The following SVEP1 variants were observed in gnomAD, a reference collection of about 807,000 sequenced individuals.
The protein encoded by SVEP1 is sushi, von Willebrand factor type A, EGF and pentraxin domain-containing protein 1.
SVEP1 carries 164 observed loss-of-function variants against 367.3 expected under a neutral mutation model. That is an observed-to-expected ratio of 0.45 (90% CI 0.39 to 0.51). The LOEUF (loss-of-function observed/expected upper bound fraction) is 0.51, where lower values mean the gene tolerates loss of function less well. Ranked by LOEUF, SVEP1 falls within the 20% of genes least tolerant of loss-of-function variation. The probability of loss-of-function intolerance (pLI) is 0.00; values close to 1 mark genes in which losing one functional copy is unlikely to be tolerated. For synonymous variants in SVEP1, 1,666 were observed against 1,611.6 expected (o/e 1.03, Z -0.81); for missense variants, 4,117 against 4,425.3 (o/e 0.93, Z 1.98).
chr9:110,400,962 T>C lies in SVEP1; in HGVS notation c.9714A>G (p.Pro3238=). ...EPPFSDESCS[P]VSCGKPESPE... is the part of the protein sequence containing the mutation. ...GACTTTCAGGTTTCCCACAAGAAAC[T>C]GGACTGCAAGATTCATCGGAGAATG... The change falls in exon 40 of 48, where the codon CCA becomes CCG. Residue 3238 remains proline, a synonymous_variant. Transcript: ENST00000374469. 2 of 1,613,942 alleles carry C rather than the reference T, an allele frequency of 1.2e-6. No homozygotes were observed. The highest frequency in any genetic ancestry group is 1.7e-6 in the Non-Finnish European group (2 of 1,179,862).
Position 110,546,097 on chromosome 9 carries a change from C to A in SVEP1, c.964+18G>T, listed in dbSNP as rs752701414. 1.3e-5 allele frequency: 20 copies of A among 1,551,540 alleles called. No homozygotes were observed. The highest frequency in any genetic ancestry group is 1.7e-5 in the Non-Finnish European group (20 of 1,146,716). On this transcript the variant is annotated intron_variant, in intron 3 of 47. Coordinates refer to ENST00000374469, the MANE Select transcript of SVEP1 (RefSeq NM_153366.4). ...TACACAGCAACAGACAACTGATATACACAGATTGGAGACTCACCTGTGCAT... is the reference window on the plus strand; with the variant it reads ...TACACAGCAACAGACAACTGATATAAACAGATTGGAGACTCACCTGTGCAT...
At chr9:110,544,592 A>G (rs1830194112) in intron 3 of SVEP1, among the ~76,000 whole-genome samples, 2 of 151,048 alleles carry the variant, frequency 1.3e-5, no homozygotes, top group South Asian at 4.2e-4. Flanking sequence ...TAGAGACGGA[A>G]AAATTACAAA....
chr9:110,422,609 C>T (rs1828176565), intron 36 of SVEP1, among the ~76,000 whole-genome samples: 1 of 84,768 alleles, frequency 1.2e-5, no homozygotes, highest in Non-Finnish European at 2.4e-5. Context: ...ACCCAGCCAT[C>T]CCATTACTGG....
At chr9:110,420,252 C>T (rs1372342106) in intron 36 of SVEP1, among the ~76,000 whole-genome samples, 1 of 18,784 alleles carries the variant, frequency 5.3e-5, no homozygotes, top group African/African-American at 4.4e-4. Context: ...AGAGAAGAAT[C>T]AAATAGACAC....
intron 43 of SVEP1, among the ~76,000 whole-genome samples, chr9:110,385,194 T>A (rs773602131): frequency 2.6e-4 from 39 of 152,268 alleles, no homozygotes; most frequent in Admixed American, 5.9e-4. Flanking sequence ...TTGGCTGGGC[T>A]GGTCTTGAAC....
At chr9:110,466,656 G>A (rs1478087477) in intron 17 of SVEP1, among the ~76,000 whole-genome samples, 1 of 139,180 alleles carries the variant, frequency 7.2e-6, no homozygotes, top group Non-Finnish European at 1.6e-5. Context: ...AGCTACTTGG[G>A]AGGCTGAGGC....
At chr9:110,488,491 GA>G (rs200455887) in intron 9 of SVEP1, among the ~76,000 whole-genome samples, 1 of 151,456 alleles carries the variant, frequency 6.6e-6, no homozygotes, top group South Asian at 2.1e-4. Context: ...ATAATGGAGG[GA>G]AAAAAAAGAC....
chr9:110,374,613 G>A lies in SVEP1; in HGVS notation c.10600+755C>T, dbSNP rs566173600. Among the ~76,000 whole-genome samples the A allele has an allele frequency of 2.0e-5, 3 of 152,286 alleles. No individual in the cohort carries two copies. The East Asian group carries it at 5.8e-4, about 29-fold the overall frequency. Reference sequence around the variant, plus strand: ...TTCAGTGAGTCAAGATTGCGCCACTGCAGTCCAGCCTGGGTGACAAGAGTG... The same window carrying A: ...TTCAGTGAGTCAAGATTGCGCCACTACAGTCCAGCCTGGGTGACAAGAGTG... On this transcript the variant is annotated intron_variant, in intron 46 of 47. Coordinates refer to ENST00000374469, the MANE Select transcript of SVEP1 (RefSeq NM_153366.4).
intron 21 of SVEP1, 109 bp downstream of exon 21, chr9:110,457,147 G>GT: frequency 1.2e-6 from 1 of 839,330 alleles, no homozygotes; most frequent in East Asian, 3.1e-5. Flanking sequence ...ACATTTACAT[G>GT]GTCTAATGTA....
chr9:110,423,116 A>G (rs1828189095), intron 36 of SVEP1, among the ~76,000 whole-genome samples: 1 of 143,366 alleles, frequency 7.0e-6, no homozygotes, highest in Non-Finnish European at 1.5e-5. Flanking sequence ...AACTTAGAGT[A>G]TAATAAAAAA....
chr9:110,578,473 G>A (rs1466411679), intron 1 of SVEP1, among the ~76,000 whole-genome samples: 1 of 151,976 alleles, frequency 6.6e-6, no homozygotes, highest in African/African-American at 2.4e-5. Context: ...ACTGAATATG[G>A]ATTAATTTGT....
intron 14 of SVEP1, among the ~76,000 whole-genome samples, chr9:110,475,524 CATT>C (rs958394196): frequency 6.8e-6 from 1 of 147,372 alleles, no homozygotes; most frequent in East Asian, 2.1e-4. Context: ...ATAACAATAT[CATT>C]ATTATTATTA....
At chr9:110,528,158 A>ATATATATATATG (rs1829969234) in intron 3 of SVEP1, among the ~76,000 whole-genome samples, 1 of 28,474 alleles carries the variant, frequency 3.5e-5, no homozygotes, top group South Asian at 7.8e-4. Flanking sequence ...GTGTGTGTGT[A>ATATATATATATG]TATATATATA....
chr9:110,500,730 T>C (rs1246860991), intron 6 of SVEP1, among the ~76,000 whole-genome samples: 2 of 152,146 alleles, frequency 1.3e-5, no homozygotes, highest in African/African-American at 4.8e-5. Context: ...TTTTTTTCCC[T>C]CAACTGACCT....
chr9:110,540,734 G>A (rs1347859799), intron 3 of SVEP1, among the ~76,000 whole-genome samples: 2 of 152,156 alleles, frequency 1.3e-5, no homozygotes, highest in African/African-American at 4.8e-5. Flanking sequence ...TTACTTGTCA[G>A]TGATTTCTAA....
At chr9:110,457,116 T>C in intron 21 of SVEP1, 140 bp downstream of exon 21, 4 of 599,718 alleles carry the variant, frequency 6.7e-6, no homozygotes, top group Non-Finnish European at 1.1e-5. Flanking sequence ...CTATTGTTTA[T>C]CTTGTTCAAC....
chr9:110,513,079 G>A lies in SVEP1; in HGVS notation c.1150C>T (p.Pro384Ser). The A allele has an allele frequency of 6.2e-7, 1 of 1,613,902 alleles. No individual in the cohort carries two copies. Among genetic ancestry groups the A allele is most frequent in the Non-Finnish European group, 8.5e-7 (1 of 1,179,834 alleles). The change falls in exon 5 of 48, where the codon CCC (proline) becomes TCC (serine). Residue 384 changes from proline (P) to serine (S), a missense_variant. Transcript: ENST00000374469. ...TTTTGGATAAAGTAACCATTTTCGG[G>A]AGGCTTCAGGGCAGGGCAGTGGACA... Reference protein sequence around the residue: ...ELVHCPALKPPENGYFIQNTC... With the variant: ...ELVHCPALKPSENGYFIQNTC...
rs376340396 is a variant in SVEP1, at chr9:110,436,398, A to G, written c.4746T>C (p.Tyr1582=). Residue 1582 remains tyrosine (Y), a synonymous_variant, in exon 28 of 48, where the codon TAT becomes TAC. Transcript: ENST00000374469. ...AATTGACCTGCTGTGGAGACAGGAC[A>G]TAGTCCCAGAGGTTGAGCTGGCTTA... ...GSISQLNLWD[Y]VLSPQQVKSL... 2.1e-4 allele frequency: 337 copies of G among 1,613,868 alleles called. No individual in the cohort carries two copies. Among genetic ancestry groups the G allele is most frequent in the Non-Finnish European group, 2.7e-4 (315 of 1,179,870 alleles).
intron 36 of SVEP1, among the ~76,000 whole-genome samples, chr9:110,414,387 G>C (rs1219855057): frequency 1.3e-5 from 2 of 152,004 alleles, no homozygotes; most frequent in African/African-American, 4.8e-5. Flanking sequence ...TCATGCTATG[G>C]ATGGAAGTGG....
Sources: allele counts gnomAD v4.1 joint callset (sites outside exome capture counted in the v4.1 genomes callset), GRCh38; gene constraint gnomAD v4.1.1; transcripts MANE v1.5; gene names NCBI Gene and HGNC (gene_info 2026-07-23, HGNC 2026-07-21).